The following SEMA3C variants were observed in gnomAD, a reference collection of about 807,000 sequenced individuals.
The protein encoded by SEMA3C is semaphorin-3C.
Under a neutral mutation model 89.4 loss-of-function variants are expected in SEMA3C, and 47 were observed. The observed-to-expected ratio is 0.53, with a 90% confidence interval of 0.42 to 0.67. The LOEUF (loss-of-function observed/expected upper bound fraction) is 0.67. Among genes scored for constraint, SEMA3C ranks in the 30% least tolerant of loss-of-function variants. The pLI, the probability that SEMA3C is intolerant of heterozygous loss-of-function variation, is 0.00. For synonymous variants in SEMA3C, 310 were observed against 320.2 expected (o/e 0.97, Z 0.34); for missense variants, 839 against 929.1 (o/e 0.90, Z 1.26).
chr7:80,843,111 GAAGT>G (rs1790307996), intron 2 of SEMA3C, among the ~76,000 whole-genome samples: 1 of 152,100 alleles, frequency 6.6e-6, no homozygotes, highest in Admixed American at 6.6e-5. Flanking sequence ...GAGTTAGATA[GAAGT>G]AATAAGTTCT....
At chr7:80,882,920 GAC>G (rs1004122988) in intron 2 of SEMA3C, among the ~76,000 whole-genome samples, 2 of 151,516 alleles carry the variant, frequency 1.3e-5, no homozygotes, top group Non-Finnish European at 2.9e-5. Context: ...ATCAGAAAGT[GAC>G]ATTTACCTAA....
chr7:80,845,593 C>T (rs1790370711), intron 2 of SEMA3C, among the ~76,000 whole-genome samples: 2 of 152,106 alleles, frequency 1.3e-5, no homozygotes, highest in Admixed American at 6.6e-5. Flanking sequence ...AAATGTCTCT[C>T]ATATCTGTCA....
At chr7:80,843,103 G>A (rs1790307777) in intron 2 of SEMA3C, among the ~76,000 whole-genome samples, 1 of 152,090 alleles carries the variant, frequency 6.6e-6, no homozygotes, top group South Asian at 2.1e-4. Flanking sequence ...CAAACATAGA[G>A]TTAGATAGAA....
In SEMA3C at chr7:80,856,904, T is replaced by C. The variant is rs76157544; in HGVS notation, c.104-28159A>G. 3.5e-3 allele frequency among the ~76,000 whole-genome samples: 533 copies of C among 152,184 alleles called. 10 individuals carry two copies. The highest frequency in any genetic ancestry group is 0.034 in the East Asian group (177 of 5,160). On this transcript the variant is annotated intron_variant, in intron 2 of 17. Transcript: ENST00000265361. ...GCTATCATCCTAAATGGACATTCCA[T>C]TTGCCTCCCCCATGATTTGGAATGA...
intron 6 of SEMA3C, among the ~76,000 whole-genome samples, chr7:80,808,173 G>A (rs553747883): frequency 1.2e-4 from 19 of 152,082 alleles, no homozygotes; most frequent in Non-Finnish European, 2.4e-4. Flanking sequence ...AATTTAGCAA[G>A]AAAATTTATA....
rs755429406 is a variant in SEMA3C, at chr7:80,805,775, A to G, written c.539-17T>C. 3 of 1,557,064 alleles carry G rather than the reference A, an allele frequency of 1.9e-6. No individual in the cohort carries two copies. On this transcript the variant is annotated splice_polypyrimidine_tract_variant and intron_variant, in intron 6 of 17. Transcript: ENST00000265361. ...GCTCCTCATCTATGAAAAAGAAAAT[A>G]TCAATGAAATGTAAATTTTTAAAGC...
Position 80,804,194 on chromosome 7 carries a change from G to T in SEMA3C, c.713C>A (p.Ala238Asp), listed in dbSNP as rs1239866979. 3 of 1,612,428 alleles carry T rather than the reference G, an allele frequency of 1.9e-6. No homozygotes were observed. Among genetic ancestry groups the T allele is most frequent in the Non-Finnish European group, 2.5e-6 (3 of 1,179,042 alleles). ...TTCTTTGAAGAAGAAGTACACCTTA[G>T]CATCATTTGGATCAGTACCATCTGG... ...VIPDGTDPND[A>D]KVYFFFKEKL... Residue 238 changes from alanine to aspartate, a missense_variant, in exon 8 of 18, where the codon GCT (alanine) becomes GAT (aspartate). Physicochemically the swap from Ala to Asp is moderately radical, Grantham distance 126 (BLOSUM62 -2). Coordinates refer to ENST00000265361, the MANE Select transcript of SEMA3C (RefSeq NM_006379.5).
At chr7:80,815,554 C>CAAAA (rs761990267) in intron 5 of SEMA3C, among the ~76,000 whole-genome samples, 809 of 58,798 alleles carry the variant, frequency 0.014, 26 homozygotes, top group African/African-American at 0.045. Flanking sequence ...TTTAAATGGG[C>CAAAA]AAAAAAAAAA....
Position 80,748,962 on chromosome 7 carries a change from G to A in SEMA3C, c.1778C>T (p.Ala593Val). 1.2e-6 allele frequency: 2 copies of A among 1,613,180 alleles called. No individual in the cohort carries two copies. Among genetic ancestry groups the A allele is most frequent in the Non-Finnish European group, 1.7e-6 (2 of 1,179,478 alleles). ...VKNNTTFLEC[A>V]PKSPQASIKW... ...GATAGATGCCTGCGGAGACTTGGGG[G>A]CACACTCCAGAAAAGTGGTGTTATT... Residue 593 changes from alanine (A) to valine (V), a missense_variant, in exon 17 of 18, where the codon GCC becomes GTC. Physicochemically the swap from Ala to Val is moderately conservative, Grantham distance 64. Coordinates refer to ENST00000265361, the MANE Select transcript of SEMA3C (RefSeq NM_006379.5).
At chr7:80,805,618 A>G in intron 7 of SEMA3C, 21 bp downstream of exon 7, 3 of 1,580,338 alleles carry the variant, frequency 1.9e-6, no homozygotes, top group Non-Finnish European at 2.6e-6. Flanking sequence ...TAAAAAATAA[A>G]TGCATCAAAT....
intron 1 of SEMA3C, among the ~76,000 whole-genome samples, chr7:80,917,567 G>A (rs914441332): frequency 1.3e-5 from 2 of 152,146 alleles, no homozygotes; most frequent in Non-Finnish European, 2.9e-5. Context: ...AAATCAAAGA[G>A]ACAGGTGTCA....
At chr7:80,818,079 CAT>C (rs1554372749) in intron 5 of SEMA3C, among the ~76,000 whole-genome samples, 5 of 151,078 alleles carry the variant, frequency 3.3e-5, no homozygotes, top group Non-Finnish European at 5.9e-5. Flanking sequence ...CACACACACA[CAT>C]ATAATACACA....
At chr7:80,799,218 ACTTACT>A (rs1300481529) in intron 10 of SEMA3C, among the ~76,000 whole-genome samples, 1 of 152,284 alleles carries the variant, frequency 6.6e-6, no homozygotes, top group African/African-American at 2.4e-5. Flanking sequence ...TTTAAAAACA[ACTTACT>A]TGTAAATTTC....
At chr7:80,848,420 C>G (rs898635853) in intron 2 of SEMA3C, among the ~76,000 whole-genome samples, 2 of 152,104 alleles carry the variant, frequency 1.3e-5, no homozygotes, top group African/African-American at 4.8e-5. Flanking sequence ...TAAATAAAAT[C>G]TGGCAATGGA....
chr7:80,762,764 G>A (rs186969743), intron 13 of SEMA3C, among the ~76,000 whole-genome samples: 1 of 152,280 alleles, frequency 6.6e-6, no homozygotes, highest in Admixed American at 6.5e-5. Context: ...AGTGAGCCAA[G>A]ACTGTGCCAC....
intron 2 of SEMA3C, among the ~76,000 whole-genome samples, chr7:80,841,078 A>G (rs1022024596): frequency 2.2e-4 from 34 of 152,272 alleles, no homozygotes; most frequent in African/African-American, 7.9e-4. Flanking sequence ...GAGCCAACCA[A>G]CACAGAAAGA....
At chr7:80,872,672 G>A (rs988276448) in intron 2 of SEMA3C, among the ~76,000 whole-genome samples, 11 of 151,120 alleles carry the variant, frequency 7.3e-5, no homozygotes, top group South Asian at 2.1e-4. Flanking sequence ...ATGGTGGTGC[G>A]CACCTGTAGT....
intron 12 of SEMA3C, among the ~76,000 whole-genome samples, chr7:80,780,577 T>C (rs1291683447): frequency 3.3e-5 from 5 of 152,196 alleles, no homozygotes; most frequent in African/African-American, 9.6e-5. Flanking sequence ...ATTACCAATT[T>C]AGTGTCTTAA....
At chr7:80,847,354 T>C (rs1790413622) in intron 2 of SEMA3C, 1 of 152,178 alleles carries the variant, frequency 6.6e-6, no homozygotes, top group African/African-American at 2.4e-5. Context: ...TACTGTAGTA[T>C]ACAATAAGAG....
Sources: gnomAD v4.1 joint callset for allele counts (sites outside exome capture counted in the v4.1 genomes callset) on GRCh38, gnomAD v4.1.1 for gene constraint, MANE v1.5 for transcripts, NCBI Gene and HGNC (gene_info 2026-07-23, HGNC 2026-07-21) for gene names.